The following CSMD1 variants were observed in gnomAD, a reference collection of about 807,000 sequenced individuals.
CSMD1 encodes the protein CUB and sushi domain-containing protein 1.
A neutral mutation model predicts 417.5 loss-of-function variants in CSMD1; 213 were observed. That is an observed-to-expected ratio of 0.51 (90% CI 0.46 to 0.57). CSMD1 has a LOEUF of 0.57. CSMD1 is among the 20% of genes least tolerant of loss of function. The pLI is 0.00. For synonymous variants in CSMD1, 2,862 were observed against 1,736.8 expected, an observed-to-expected ratio of 1.65 and a Z score of -16.11; for missense variants, 6,923 against 4,529.7, an observed-to-expected ratio of 1.53 and a Z score of -15.17.
chr8:3,520,403 T>C (rs1404238294), intron 10 of CSMD1, among the ~76,000 whole-genome samples: 2 of 152,078 alleles, frequency 1.3e-5, no homozygotes, highest in Non-Finnish European at 2.9e-5. Flanking sequence ...AAAAAGTATA[T>C]CATCACATAC....
intron 51 of CSMD1, among the ~76,000 whole-genome samples, chr8:3,028,469 G>A (rs923731685): frequency 1.3e-5 from 2 of 152,188 alleles, no homozygotes; most frequent in African/African-American, 4.8e-5. Context: ...ACAGGCTTCA[G>A]GCAGGGCTAT....
At chr8:3,741,492 T>G (rs1456896032) in intron 6 of CSMD1, among the ~76,000 whole-genome samples, 1 of 152,222 alleles carries the variant, frequency 6.6e-6, no homozygotes, top group Non-Finnish European at 1.5e-5. Context: ...CCAAGTAAAA[T>G]GTACTTCCCA....
chr8:4,025,415 C>A lies in CSMD1; in HGVS notation c.610+6490G>T, dbSNP rs545307053. 1.3e-5 allele frequency among the ~76,000 whole-genome samples: 2 copies of A among 152,186 alleles called. 1 individual carries two copies. Among genetic ancestry groups the A allele is most frequent in the South Asian group, 4.1e-4 (2 of 4,828 alleles). ...AATTTATAATCTATCCTAGGCTGTACCATTATTATTTAATAATTTATGAAT... is the reference window on the plus strand; with the variant it reads ...AATTTATAATCTATCCTAGGCTGTAACATTATTATTTAATAATTTATGAAT... On this transcript the variant is annotated intron_variant, in intron 4 of 69. Transcript: ENST00000635120.
chr8:4,240,893 G>C (rs1324998085), intron 3 of CSMD1, among the ~76,000 whole-genome samples: 1 of 152,184 alleles, frequency 6.6e-6, no homozygotes, highest in African/African-American at 2.4e-5. Flanking sequence ...TCAGGCGCAT[G>C]TTACTGTAAA....
intron 2 of CSMD1, among the ~76,000 whole-genome samples, chr8:4,533,389 C>A (rs564161569): frequency 6.6e-6 from 1 of 152,248 alleles, no homozygotes; most frequent in Middle Eastern, 3.4e-3. Flanking sequence ...GCTGTGAGAT[C>A]CATATGACCA....
chr8:3,696,016 C>T (rs1585090488), intron 7 of CSMD1, among the ~76,000 whole-genome samples: 1 of 152,054 alleles, frequency 6.6e-6, no homozygotes, highest in Non-Finnish European at 1.5e-5. Context: ...TGTGGAAGAC[C>T]TACCATTTGT....
At chr8:3,465,512 G>C (rs1006304711) in intron 12 of CSMD1, among the ~76,000 whole-genome samples, 1 of 152,168 alleles carries the variant, frequency 6.6e-6, no homozygotes, top group Non-Finnish European at 1.5e-5. Context: ...GCAGGGGGTA[G>C]TGGGGGTGCC....
intron 4 of CSMD1, among the ~76,000 whole-genome samples, chr8:3,999,212 A>G (rs1369174030): frequency 1.3e-5 from 2 of 151,702 alleles, no homozygotes; most frequent in East Asian, 3.9e-4. Context: ...TATATTTAAC[A>G]GTCATTAATT....
At position 2,950,214 on chromosome 8, in the gene CSMD1, C is replaced by T. The variant is rs1398521067; in HGVS notation, c.10314+17G>A. 3 of 1,472,588 alleles carry T rather than the reference C, an allele frequency of 2.0e-6. No homozygotes were observed. Among genetic ancestry groups the T allele is most frequent in the Admixed American group, 3.3e-5 (2 of 59,798 alleles). The allele number at this position is 1,472,588 out of a possible 1,614,324, so 91.2% of individuals were successfully genotyped here. ...AGAAAGCCTGTGCTTTGTCACAGAC[C>T]TTACACATGTACTTACATAACCATC... On this transcript the variant is annotated intron_variant, in intron 67 of 69. Transcript: ENST00000635120.
chr8:4,126,614 G>A (rs531091850), intron 3 of CSMD1, among the ~76,000 whole-genome samples: 1 of 152,224 alleles, frequency 6.6e-6, no homozygotes, highest in East Asian at 1.9e-4. Context: ...AATTTATACT[G>A]CACATGTCCT....
intron 12 of CSMD1, among the ~76,000 whole-genome samples, chr8:3,449,808 G>A (rs1203730958): frequency 1.3e-5 from 2 of 152,158 alleles, no homozygotes; most frequent in Non-Finnish European, 2.9e-5. Flanking sequence ...ATGAGCCACT[G>A]CACCTAGCCG....
At chr8:3,275,863 C>T (rs1206474075) in intron 26 of CSMD1, among the ~76,000 whole-genome samples, 5 of 152,092 alleles carry the variant, frequency 3.3e-5, no homozygotes, top group African/African-American at 1.2e-4. Flanking sequence ...ACTTCTTTGC[C>T]TTTGGTTTGA....
chr8:3,452,905 C>A (rs1003640296), intron 12 of CSMD1, among the ~76,000 whole-genome samples: 2 of 152,136 alleles, frequency 1.3e-5, no homozygotes, highest in African/African-American at 4.8e-5. Context: ...CCAGCTCCTC[C>A]TTGTATCTCT....
At position 2,951,282 on chromosome 8, in the gene CSMD1, G is replaced by C; in HGVS notation, c.10040-7C>G. 6.3e-7 allele frequency: 1 copy of C among 1,597,034 alleles called. No individual in the cohort carries two copies. The highest frequency in any genetic ancestry group is 8.5e-7 in the Non-Finnish European group (1 of 1,171,162). On this transcript the variant is annotated splice_region_variant and splice_polypyrimidine_tract_variant and intron_variant, in intron 65 of 69. Transcript: ENST00000635120. ...AAAAAGACATCTGAAGGAACTGTGGGAAGGGGGGAAACAGACCAATGTCAG... is the reference window on the plus strand; with the variant it reads ...AAAAAGACATCTGAAGGAACTGTGGCAAGGGGGGAAACAGACCAATGTCAG...
rs190391094 is a variant in CSMD1, at chr8:4,526,416, G to C, written c.303-106351C>G. ...TTGCATCTTACTTATGTATGCCCAA[G>C]GGCAAATGCCTAGTACTAAAAAACT... On this transcript the variant is annotated intron_variant, in intron 2 of 69. Coordinates refer to ENST00000635120, the MANE Select transcript of CSMD1 (RefSeq NM_033225.6). Among the ~76,000 whole-genome samples the C allele has an allele frequency of 2.0e-4, 31 of 152,278 alleles. No homozygotes were observed. The East Asian group carries it at 6.0e-3, about 29-fold the overall frequency.
chr8:3,367,550 A>G (rs559860009), intron 19 of CSMD1, among the ~76,000 whole-genome samples: 2 of 152,296 alleles, frequency 1.3e-5, no homozygotes, highest in East Asian at 3.9e-4. Flanking sequence ...CTTAATCAAA[A>G]TATTAAAATG....
chr8:3,759,332 T>C (rs976249018), intron 5 of CSMD1, among the ~76,000 whole-genome samples: 1 of 152,070 alleles, frequency 6.6e-6, no homozygotes, highest in African/African-American at 2.4e-5. Context: ...AAACAAAATA[T>C]GGTACAATGT....
intron 3 of CSMD1, among the ~76,000 whole-genome samples, chr8:4,405,304 TTCC>T (rs1804931302): frequency 6.6e-6 from 1 of 152,106 alleles, no homozygotes; most frequent in Non-Finnish European, 1.5e-5. Flanking sequence ...TTGAAATAAC[TTCC>T]ACTTAGTTTT....
chr8:4,304,990 C>G (rs1798168387), intron 3 of CSMD1, among the ~76,000 whole-genome samples: 1 of 152,254 alleles, frequency 6.6e-6, no homozygotes, highest in African/African-American at 2.4e-5. Context: ...AATGCCAATG[C>G]CTGTTCTTAC....
Sources: gnomAD v4.1 joint callset for allele counts (sites outside exome capture counted in the v4.1 genomes callset) on GRCh38, gnomAD v4.1.1 for gene constraint, MANE v1.5 for transcripts, NCBI Gene and HGNC (gene_info 2026-07-23, HGNC 2026-07-21) for gene names.